Variants in DNAH8 observed in about 807,000 individuals in gnomAD.
DNAH8 encodes the protein dynein axonemal heavy chain 8.
DNAH8 carries 382 observed loss-of-function variants against 562.1 expected under a neutral mutation model. That is an observed-to-expected ratio of 0.68 (90% confidence interval 0.63 to 0.74). The LOEUF is 0.74. DNAH8 is among the 30% of genes least tolerant of loss of function. The pLI is 0.00. For missense variants in DNAH8, 5,203 were observed against 5,620.4 expected (o/e 0.93, Z 2.37); for synonymous variants, 1,881 against 1,919.4 (o/e 0.98, Z 0.52).
intron 85 of DNAH8, among the ~76,000 whole-genome samples, chr6:38,975,580 G>A (rs1015294667): frequency 6.6e-6 from 1 of 152,194 alleles, no homozygotes; most frequent in African/African-American, 2.4e-5. Context: ...TGGCTGCCCA[G>A]GAGAGGGATG....
intron 91 of DNAH8, 110 bp downstream of exon 91, chr6:39,012,747 G>T: frequency 1.3e-6 from 1 of 782,370 alleles, no homozygotes. Flanking sequence ...TAGCTTGCTG[G>T]GTGCTGCACA....
intron 53 of DNAH8, among the ~76,000 whole-genome samples, chr6:38,881,825 A>G (rs1022811573): frequency 3.9e-5 from 6 of 152,144 alleles, no homozygotes; most frequent in African/African-American, 1.4e-4. Context: ...TGCTGGGTTT[A>G]CAGACGTCAG....
At chr6:38,824,896 T>C (rs1043136522) in intron 28 of DNAH8, among the ~76,000 whole-genome samples, 6 of 152,160 alleles carry the variant, frequency 3.9e-5, no homozygotes, top group African/African-American at 1.4e-4. Flanking sequence ...ACTATTTACC[T>C]GGAAATCAGA....
intron 66 of DNAH8, among the ~76,000 whole-genome samples, chr6:38,913,276 T>G (rs1781041050): frequency 6.6e-6 from 1 of 152,176 alleles, no homozygotes; most frequent in Admixed American, 6.5e-5. Flanking sequence ...CTTCCCCTTT[T>G]CCCAGTGACC....
intron 11 of DNAH8, among the ~76,000 whole-genome samples, chr6:38,765,429 T>C (rs1337291366): frequency 1.3e-5 from 2 of 152,164 alleles, no homozygotes; most frequent in East Asian, 3.8e-4. Context: ...CAGTTTCAGG[T>C]CTTATCTTTA....
At chr6:38,799,292 G>A (rs1770568759) in intron 21 of DNAH8, among the ~76,000 whole-genome samples, 1 of 151,520 alleles carries the variant, frequency 6.6e-6, no homozygotes, top group African/African-American at 2.4e-5. Flanking sequence ...CAAAACTGAG[G>A]TCCTCCAAAT....
chr6:38,948,317 T>C (rs1167768134), intron 80 of DNAH8, among the ~76,000 whole-genome samples: 1 of 152,098 alleles, frequency 6.6e-6, no homozygotes, highest in Non-Finnish European at 1.5e-5. Context: ...ACTGTGGCTT[T>C]TTTATTTTAA....
chr6:38,915,857 C>A (rs1246284737), intron 68 of DNAH8, among the ~76,000 whole-genome samples: 1 of 151,580 alleles, frequency 6.6e-6, no homozygotes, highest in African/African-American at 2.4e-5. Context: ...CACACATACA[C>A]ACACACACAC....
chr6:38,763,430 C>A (rs1002980415), intron 11 of DNAH8: 3 of 310,962 alleles, frequency 9.6e-6, no homozygotes, highest in Non-Finnish European at 1.9e-5. Context: ...AACAGAGCAA[C>A]AAGAGCTCAA....
Position 38,851,588 on chromosome 6 carries a change from C to T in DNAH8, c.5380C>T (p.Arg1794Ter), listed in dbSNP as rs781224411. The change falls in exon 39 of 93, where the codon CGA becomes TGA. Residue 1794 changes from arginine (R) to a stop codon, truncating the protein, a stop_gained. Coordinates refer to ENST00000327475, the MANE Select transcript of DNAH8 (RefSeq NM_001206927.2). LOFTEE classifies it high-confidence loss of function. ...TATTTGAAGGTATTTGGAGAAGAAA[C>T]GATTACTGTTTCCAAGATTCTTCTT... ...KSLTGYLEKK[R>*]LLFPRFFFVS... is the part of the protein sequence containing the mutation. 6.9e-6 allele frequency: 11 copies of T among 1,605,692 alleles called. No homozygotes were observed. The highest frequency in any genetic ancestry group is 6.7e-5 in the African/African-American group (5 of 74,456).
At chr6:38,815,785 T>C in intron 26 of DNAH8, 128 bp downstream of exon 26, 3 of 912,766 alleles carry the variant, frequency 3.3e-6, no homozygotes, top group South Asian at 4.9e-5. Context: ...ATCTTAAACA[T>C]AACGTGCAGG....
At position 38,852,751 on chromosome 6, in the gene DNAH8, T is replaced by C; in HGVS notation, c.5524T>C (p.Tyr1842His). The C allele has an allele frequency of 2.5e-6, 4 of 1,613,840 alleles. No individual in the cohort carries two copies. Among genetic ancestry groups the C allele is most frequent in the Non-Finnish European group, 3.4e-6 (4 of 1,179,816 alleles). The change falls in exon 40 of 93, where the codon TAT (tyrosine) becomes CAT (histidine). Residue 1842 changes from tyrosine to histidine, a missense_variant. By Grantham distance (83) the Tyr-to-His change is moderately conservative (BLOSUM62 2). Coordinates refer to ENST00000327475, the MANE Select transcript of DNAH8 (RefSeq NM_001206927.2). ...INEVTFHAKD[Y>H]DRIMAVISRE... Reference sequence around the variant, plus strand: ...TGAGGTGACATTTCATGCAAAAGACTATGATCGCATCATGGCCGTCATATC... The same window carrying C: ...TGAGGTGACATTTCATGCAAAAGACCATGATCGCATCATGGCCGTCATATC...
At chr6:38,814,628 C>T (rs1341805149) in intron 25 of DNAH8, among the ~76,000 whole-genome samples, 1 of 152,042 alleles carries the variant, frequency 6.6e-6, no homozygotes, top group Admixed American at 6.6e-5. Flanking sequence ...TTGAAGGACT[C>T]GTGAAAGAAT....
chr6:38,977,879 G>A (rs1702220030), intron 85 of DNAH8, among the ~76,000 whole-genome samples: 1 of 152,112 alleles, frequency 6.6e-6, no homozygotes, highest in African/African-American at 2.4e-5. Context: ...GCCAATGCCT[G>A]GGCCCCAGAA....
In DNAH8 at chr6:38,807,665, A is replaced by G. The variant is rs926965495; in HGVS notation, c.3206A>G (p.Lys1069Arg). Residue 1069 changes from lysine (K) to arginine (R), a missense_variant, in exon 24 of 93, where the codon AAA (lysine) becomes AGA (arginine). Around this residue, in one of 6 missense-constraint regions of DNAH8, gnomAD observed 2,176 missense variants for 2,365.1 expected, o/e 0.92. Coordinates refer to ENST00000327475, the MANE Select transcript of DNAH8 (RefSeq NM_001206927.2). ...CATCAATTACTAGACAGTCTTCAAA[A>G]AGCTACACGGTTATCTCTGGACACA... ...FSHQLLDSLQ[K>R]ATRLSLDTMK... The G allele has an allele frequency of 2.5e-6, 4 of 1,569,126 alleles. No homozygotes were observed. In the African/African-American group the frequency reaches 4.1e-5, roughly 16 times the overall value.
intron 58 of DNAH8, 95 bp from the exon 59 acceptor site, chr6:38,894,606 A>G: frequency 9.9e-7 from 1 of 1,009,036 alleles, no homozygotes; most frequent in Non-Finnish European, 1.5e-6. Flanking sequence ...AGCAGATTTT[A>G]TCTAAAATAG....
intron 3 of DNAH8, among the ~76,000 whole-genome samples, chr6:38,727,242 A>G (rs1763301915): frequency 6.6e-6 from 1 of 152,200 alleles, no homozygotes; most frequent in Admixed American, 6.5e-5. Flanking sequence ...AAAGTGGACA[A>G]CAGAGGGTAT....
At chr6:38,980,408 A>C (rs910374347) in intron 85 of DNAH8, among the ~76,000 whole-genome samples, 2 of 152,194 alleles carry the variant, frequency 1.3e-5, no homozygotes, top group South Asian at 2.1e-4. Flanking sequence ...CAAGGCTCCC[A>C]CCCTTGCACC....
rs756953921 is a variant in DNAH8, at chr6:38,828,273, A to T, written c.4173A>T (p.Lys1391Asn). The T allele has an allele frequency of 3.1e-5, 49 of 1,569,774 alleles. No individual in the cohort carries two copies. Among genetic ancestry groups the T allele is most frequent in the Non-Finnish European group, 1.6e-5 (18 of 1,157,602 alleles). Residue 1391 changes from lysine (K) to asparagine (N), a missense_variant, in exon 30 of 93, where the codon AAA becomes AAT. Lys to Asn is a moderately conservative substitution (Grantham distance 94). This residue lies in a region of DNAH8 where 2,176 missense variants were observed against 2,365.1 expected (regional missense o/e 0.92). Transcript: ENST00000327475. Reference protein sequence around the residue: ...AVDTLRYSFNKLQSKAVSVQE... With the variant: ...AVDTLRYSFNNLQSKAVSVQE... ...ATACCTTAAGATATTCTTTCAACAAATTGCAGAGCAAAGCTGTAAGTATGA... is the reference window on the plus strand; with the variant it reads ...ATACCTTAAGATATTCTTTCAACAATTTGCAGAGCAAAGCTGTAAGTATGA...
Sources: gnomAD v4.1 joint callset for allele counts (sites outside exome capture counted in the v4.1 genomes callset) on GRCh38, gnomAD v4.1.1 for gene constraint, gnomAD v4.1.1 regional missense constraint, MANE v1.5 for transcripts, NCBI Gene and HGNC (gene_info 2026-07-23, HGNC 2026-07-21) for gene names.